The following SHISAL1 variants were observed in gnomAD, a reference collection of about 807,000 sequenced individuals.
SHISAL1 encodes protein shisa-like-1.
A neutral mutation model predicts 22.6 loss-of-function variants in SHISAL1; 9 were observed. That is an observed-to-expected ratio of 0.40 (90% confidence interval 0.24 to 0.70). The LOEUF (loss-of-function observed/expected upper bound fraction) is 0.70. Among genes scored for constraint, SHISAL1 ranks in the 30% least tolerant of loss-of-function variants. The pLI, the probability that SHISAL1 is intolerant of heterozygous loss-of-function variation, is 0.39. For synonymous variants in SHISAL1, 119 were observed against 115.4 expected (o/e 1.03, Z -0.20); for missense variants, 246 against 270.6 (o/e 0.91, Z 0.64).
At chr22:44,296,020 A>C (rs1381585055) in intron 3 of SHISAL1, among the ~76,000 whole-genome samples, 1 of 152,238 alleles carries the variant, frequency 6.6e-6, no homozygotes, top group Non-Finnish European at 1.5e-5. Flanking sequence ...AAATGAATGA[A>C]GAATGAATGA....
chr22:44,321,274 C>T, the SHISAL1 span, among the ~76,000 whole-genome samples: 1 of 152,342 alleles, frequency 6.6e-6, no homozygotes, highest in South Asian at 2.1e-4. Context: ...GCCTCAGCTT[C>T]TGCTCAGCTT....
chr22:44,254,517 C>T (rs1196094876), intron 4 of SHISAL1, among the ~76,000 whole-genome samples: 1 of 152,166 alleles, frequency 6.6e-6, no homozygotes, highest in Non-Finnish European at 1.5e-5. Flanking sequence ...TGCACCACCA[C>T]ACCTAGCTAA....
intron 1 of SHISAL1, among the ~76,000 whole-genome samples, chr22:44,302,632 G>A (rs1332405451): frequency 6.6e-6 from 1 of 151,810 alleles, no homozygotes; most frequent in African/African-American, 2.4e-5. Flanking sequence ...CAAAGGCCCT[G>A]GGGTGGGTGC....
intron 3 of SHISAL1, among the ~76,000 whole-genome samples, chr22:44,294,417 C>G (rs1365696240): frequency 6.6e-6 from 1 of 152,156 alleles, no homozygotes; most frequent in Non-Finnish European, 1.5e-5. Context: ...TCGAGGCTCA[C>G]ACTTGCAACC....
intron 4 of SHISAL1, among the ~76,000 whole-genome samples, chr22:44,270,063 C>G (rs1396256931): frequency 6.6e-6 from 1 of 152,240 alleles, no homozygotes; most frequent in East Asian, 1.9e-4. Context: ...GTGATAGCCT[C>G]CCCCTGGGCC....
chr22:44,312,094 T>A (rs1390975540), intron 1 of SHISAL1, among the ~76,000 whole-genome samples: 1 of 152,164 alleles, frequency 6.6e-6, no homozygotes, highest in Non-Finnish European at 1.5e-5. Context: ...CCTTCCTCAC[T>A]GGAGTGAAGA....
intron 4 of SHISAL1, among the ~76,000 whole-genome samples, chr22:44,258,585 C>T (rs1397586432): frequency 6.6e-6 from 1 of 152,148 alleles, no homozygotes. Flanking sequence ...TTTTCTGTTC[C>T]TGTGTTAGTT....
chr22:44,254,758 TTGGGAGGAA>T (rs2055072701), intron 4 of SHISAL1, among the ~76,000 whole-genome samples: 1 of 151,238 alleles, frequency 6.6e-6, no homozygotes, highest in African/African-American at 2.4e-5. Flanking sequence ...AGGTGACAGC[TTGGGAGGAA>T]TCTAATGAAG....
intron 4 of SHISAL1, among the ~76,000 whole-genome samples, chr22:44,268,693 A>C (rs562893653): frequency 6.6e-6 from 1 of 152,274 alleles, no homozygotes; most frequent in South Asian, 2.1e-4. Context: ...AGGCCTCGGG[A>C]AGGAGCGTGA....
At chr22:44,285,345 T>C in intron 4 of SHISAL1, 83 bp downstream of exon 4, 5 of 1,435,412 alleles carry the variant, frequency 3.5e-6, no homozygotes, top group Non-Finnish European at 4.8e-6. Context: ...AGCCAAACAC[T>C]ATGGCGAGAG....
chr22:44,259,066 C>T (rs2055104050), intron 4 of SHISAL1, among the ~76,000 whole-genome samples: 1 of 152,128 alleles, frequency 6.6e-6, no homozygotes, highest in Non-Finnish European at 1.5e-5. Context: ...TCACACAAGG[C>T]TCGTGAAAAA....
intron 4 of SHISAL1, among the ~76,000 whole-genome samples, chr22:44,271,030 CAAGAA>C (rs1399813143): frequency 7.9e-5 from 12 of 152,150 alleles, no homozygotes; most frequent in Admixed American, 5.2e-4. Flanking sequence ...TGGATAGAGA[CAAGAA>C]AAGAGGATAG....
rs542845056 is a variant in SHISAL1, at chr22:44,306,582, T to C, written c.-32-5605A>G. Reference sequence around the variant, plus strand: ...GGGAACTGAGCTCGGGGAGCTGTGATGACGATGGCATGTGTGGAGGGGAAC... The same window carrying C: ...GGGAACTGAGCTCGGGGAGCTGTGACGACGATGGCATGTGTGGAGGGGAAC... On this transcript the variant is annotated intron_variant, in intron 1 of 4. Coordinates refer to ENST00000381176, the MANE Select transcript of SHISAL1 (RefSeq NM_001099294.2). Among the ~76,000 whole-genome samples, 6 of 43,746 alleles carry C rather than the reference T, an allele frequency of 1.4e-4. 1 individual carries two copies. Among genetic ancestry groups the C allele is most frequent in the South Asian group, 3.5e-3 (2 of 566 alleles). The allele number at this position is 43,746 out of a possible 152,430, so 28.7% of individuals were successfully genotyped here. A position where few individuals can be genotyped will look rare whatever the true frequency, so the allele number is the denominator to read the frequency against.
At chr22:44,256,637 C>A (rs1377367463) in intron 4 of SHISAL1, among the ~76,000 whole-genome samples, 2 of 152,198 alleles carry the variant, frequency 1.3e-5, no homozygotes, top group Non-Finnish European at 2.9e-5. Flanking sequence ...ATCTGACAGT[C>A]CACATATTTA....
chr22:44,272,779 T>C (rs1429103853), intron 4 of SHISAL1, among the ~76,000 whole-genome samples: 1 of 152,214 alleles, frequency 6.6e-6, no homozygotes, highest in Non-Finnish European at 1.5e-5. Context: ...TGCCTGTCTG[T>C]GGGTGTCCCT....
At position 44,277,567 on chromosome 22, in the gene SHISAL1, T is replaced by C. The variant is rs2055248639; in HGVS notation, c.599+7861A>G. Among the ~76,000 whole-genome samples the C allele has an allele frequency of 2.0e-5, 3 of 152,228 alleles. 1 individual carries two copies. In the South Asian group the frequency reaches 6.2e-4, roughly 32 times the overall value. On this transcript the variant is annotated intron_variant, in intron 4 of 4. Transcript: ENST00000381176. ...TGCTGGATCGCTGGGCCGCACCTCC[T>C]AGGCAGGGATGTGGAGGGGATCCCT...
At chr22:44,256,354 T>A (rs1328882431) in intron 4 of SHISAL1, among the ~76,000 whole-genome samples, 1 of 152,116 alleles carries the variant, frequency 6.6e-6, no homozygotes, top group African/African-American at 2.4e-5. Context: ...CTCCCCTGGG[T>A]CTCCAGCTTG....
At chr22:44,313,564 G>T (rs138408373), upstream of SHISAL1, among the ~76,000 whole-genome samples, 643 of 152,330 alleles carry the variant, frequency 4.2e-3, 6 homozygotes, top group African/African-American at 0.014. Context: ...AACAGGGCGG[G>T]GGATGCCCAC....
chr22:44,256,798 C>T (rs555017190), intron 4 of SHISAL1, among the ~76,000 whole-genome samples: 5 of 152,056 alleles, frequency 3.3e-5, no homozygotes, highest in Admixed American at 2.6e-4. Flanking sequence ...AGAACAAAAG[C>T]GACTGCCTGC....
Sources: allele counts gnomAD v4.1 joint callset (sites outside exome capture counted in the v4.1 genomes callset), GRCh38; gene constraint gnomAD v4.1.1; transcripts MANE v1.5; gene names NCBI Gene and HGNC (gene_info 2026-07-23, HGNC 2026-07-21).